Variants in PCDH15 observed in about 807,000 individuals in gnomAD.
PCDH15 encodes protocadherin-15.
PCDH15 carries 129 observed loss-of-function variants against 178.5 expected under a neutral mutation model. The ratio of observed to expected loss-of-function variants is 0.72; its 90% confidence interval spans 0.63 to 0.84. The LOEUF is 0.84. Ranked by LOEUF, PCDH15 falls within the 40% of genes least tolerant of loss-of-function variation. The probability of loss-of-function intolerance (pLI) is 0.00; values close to 1 mark genes in which losing one functional copy is unlikely to be tolerated. For missense variants in PCDH15, 2,230 were observed against 2,099.9 expected, an observed-to-expected ratio of 1.06 and a Z score of -1.21; for synonymous variants, 800 against 732.0, an observed-to-expected ratio of 1.09 and a Z score of -1.50.
At chr10:55,417,938 A>C (rs1379032660) in intron 2 of PCDH15, among the ~76,000 whole-genome samples, 1 of 151,656 alleles carries the variant, frequency 6.6e-6, no homozygotes, top group Non-Finnish European at 1.5e-5. Context: ...TCAAGAAAAA[A>C]AATAAAAATT....
At chr10:55,202,196 T>C (rs1324911405) in intron 1 of PCDH15, among the ~76,000 whole-genome samples, 1 of 152,038 alleles carries the variant, frequency 6.6e-6, no homozygotes, top group African/African-American at 2.4e-5. Flanking sequence ...GTGGCTTCTG[T>C]AGTGTTATTG....
intron 2 of PCDH15, among the ~76,000 whole-genome samples, chr10:54,528,721 C>G (rs2083604486): frequency 6.6e-6 from 1 of 151,906 alleles, no homozygotes; most frequent in Non-Finnish European, 1.5e-5. Flanking sequence ...TACTTATGAA[C>G]AGTCTGTTAT....
intron 1 of PCDH15, among the ~76,000 whole-genome samples, chr10:54,759,619 T>A (rs1947602354): frequency 6.6e-6 from 1 of 152,232 alleles, no homozygotes; most frequent in Non-Finnish European, 1.5e-5. Context: ...ATTATTTGTC[T>A]TTCGGCAGCG....
intron 15 of PCDH15, among the ~76,000 whole-genome samples, chr10:54,113,828 T>C (rs958116270): frequency 1.3e-5 from 2 of 152,076 alleles, no homozygotes; most frequent in Non-Finnish European, 2.9e-5. Context: ...GACCCCAAAC[T>C]GTGTAATTTA....
chr10:55,199,611 C>A (rs1166161666), intron 1 of PCDH15, among the ~76,000 whole-genome samples: 2 of 152,068 alleles, frequency 1.3e-5, no homozygotes, highest in Non-Finnish European at 2.9e-5. Flanking sequence ...ATAGCCAAGA[C>A]AATGGGGAAA....
At chr10:54,129,452 G>A (rs1038467968) in intron 15 of PCDH15, among the ~76,000 whole-genome samples, 17 of 152,066 alleles carry the variant, frequency 1.1e-4, no homozygotes, top group African/African-American at 3.9e-4. Context: ...TATTCTGAAG[G>A]GAAGTAGAAA....
intron 2 of PCDH15, among the ~76,000 whole-genome samples, chr10:55,558,244 T>G (rs1161304474): frequency 6.6e-6 from 1 of 152,148 alleles, no homozygotes; most frequent in Admixed American, 6.6e-5. Flanking sequence ...GCTGGACACC[T>G]CACTTGGCAC....
At chr10:54,013,300 A>G (rs147193306) in intron 20 of PCDH15, among the ~76,000 whole-genome samples, 427 of 152,312 alleles carry the variant, frequency 2.8e-3, no homozygotes, top group African/African-American at 9.6e-3. Flanking sequence ...CGATTTCCAC[A>G]CAATAGTGGG....
chr10:55,196,001 G>A (rs1370268464), intron 1 of PCDH15, among the ~76,000 whole-genome samples: 1 of 152,010 alleles, frequency 6.6e-6, no homozygotes, highest in Non-Finnish European at 1.5e-5. Flanking sequence ...ATTTTTTCAG[G>A]TCCTTAAATT....
chr10:55,566,296 A>C (rs1228149106), intron 2 of PCDH15, among the ~76,000 whole-genome samples: 1 of 151,726 alleles, frequency 6.6e-6, no homozygotes, highest in African/African-American at 2.4e-5. Context: ...AAGTAGAAAT[A>C]TAAGGAAACC....
rs1364052938 is a variant in PCDH15, at chr10:53,810,496, T to A, written c.4671+60A>T. 9 of 1,460,842 alleles carry A rather than the reference T, an allele frequency of 6.2e-6. No individual in the cohort carries two copies. The East Asian group carries it at 2.0e-4, about 33-fold the overall frequency. 90.5% of individuals were successfully genotyped at this position (1,460,842 alleles called of 1,614,324 possible). A position where few individuals can be genotyped will look rare whatever the true frequency, so the allele number is the denominator to read the frequency against. ...AAATGTTCTACAGCCGCTAGTCACG[T>A]AGGGTTAAACAATATTTTTCTTGGA... On this transcript the variant is annotated intron_variant, in intron 37 of 37. Coordinates refer to ENST00000644397, the MANE Select transcript of PCDH15 (RefSeq NM_001384140.1).
At chr10:54,242,671 T>C (rs1432821607) in intron 8 of PCDH15, among the ~76,000 whole-genome samples, 1 of 152,148 alleles carries the variant, frequency 6.6e-6, no homozygotes, top group Admixed American at 6.5e-5. Flanking sequence ...TTGGTTGAGA[T>C]AGACATAATA....
chr10:55,259,373 T>C (rs1842091132), intron 1 of PCDH15, among the ~76,000 whole-genome samples: 1 of 152,156 alleles, frequency 6.6e-6, no homozygotes, highest in African/African-American at 2.4e-5. Context: ...AAAATGGGAA[T>C]GCAAAAGTGT....
At chr10:55,079,414 G>C (rs1841984340) in intron 2 of PCDH15, among the ~76,000 whole-genome samples, 1 of 152,176 alleles carries the variant, frequency 6.6e-6, no homozygotes, top group South Asian at 2.1e-4. Context: ...GTTATTAATG[G>C]AGGCTCTGGT....
At chr10:54,581,065 C>T (rs2090993433) in intron 2 of PCDH15, among the ~76,000 whole-genome samples, 1 of 152,046 alleles carries the variant, frequency 6.6e-6, no homozygotes, top group South Asian at 2.1e-4. Context: ...ACTTTCACTA[C>T]TTCTATTCAA....
At chr10:54,108,203 A>G (rs920435127) in intron 15 of PCDH15, among the ~76,000 whole-genome samples, 19 of 152,144 alleles carry the variant, frequency 1.2e-4, no homozygotes, top group African/African-American at 4.3e-4. Flanking sequence ...CTGGCTGTAA[A>G]TACATATCAC....
chr10:54,951,274 C>T (rs1838331012), intron 2 of PCDH15, among the ~76,000 whole-genome samples: 1 of 151,858 alleles, frequency 6.6e-6, no homozygotes, highest in Non-Finnish European at 1.5e-5. Flanking sequence ...TTACAGTCTC[C>T]ATAGCTTCAT....
intron 2 of PCDH15, among the ~76,000 whole-genome samples, chr10:55,413,870 G>A (rs1324884585): frequency 6.6e-6 from 1 of 151,342 alleles, no homozygotes; most frequent in African/African-American, 2.4e-5. Context: ...GAGTGGTCAA[G>A]TTTCTATCCC....
At chr10:54,194,588 A>G (rs2049373280) in intron 11 of PCDH15, among the ~76,000 whole-genome samples, 1 of 147,826 alleles carries the variant, frequency 6.8e-6, no homozygotes, top group Non-Finnish European at 1.5e-5. Flanking sequence ...ACACAGTTGT[A>G]TTTACTTGCT....
Sources: gnomAD v4.1 joint callset for allele counts (sites outside exome capture counted in the v4.1 genomes callset) on GRCh38, gnomAD v4.1.1 for gene constraint, MANE v1.5 for transcripts, NCBI Gene and HGNC (gene_info 2026-07-23, HGNC 2026-07-21) for gene names.